Variants in CDH12 observed in about 807,000 individuals in gnomAD.
CDH12 encodes cadherin 12, also known as cadherin-12.
A neutral mutation model predicts 74.1 loss-of-function variants in CDH12; 41 were observed. The ratio of observed to expected loss-of-function variants is 0.55; its 90% confidence interval spans 0.43 to 0.72. The LOEUF is 0.72. Ranked by LOEUF, CDH12 falls within the 30% of genes least tolerant of loss-of-function variation. The pLI is 0.00. For missense variants in CDH12, 945 were observed against 977.2 expected, an observed-to-expected ratio of 0.97 and a Z score of 0.44; for synonymous variants, 399 against 355.0, an observed-to-expected ratio of 1.12 and a Z score of -1.39.
intron 1 of CDH12, among the ~76,000 whole-genome samples, chr5:22,507,393 T>C (rs1736432919): frequency 6.6e-6 from 1 of 152,072 alleles, no homozygotes; most frequent in Non-Finnish European, 1.5e-5. Context: ...AATGTACATG[T>C]TAATCATTAC....
At chr5:22,386,663 T>G (rs937728874) in intron 3 of CDH12, among the ~76,000 whole-genome samples, 1 of 152,062 alleles carries the variant, frequency 6.6e-6, no homozygotes, top group Non-Finnish European at 1.5e-5. Flanking sequence ...TATTTAAATG[T>G]GATAATTCAT....
At chr5:22,610,839 G>T (rs1040254100) in intron 1 of CDH12, among the ~76,000 whole-genome samples, 1 of 151,628 alleles carries the variant, frequency 6.6e-6, no homozygotes, top group African/African-American at 2.4e-5. Flanking sequence ...ATATATGTTG[G>T]TTATGGTGGA....
chr5:22,116,143 C>T (rs770600571), intron 4 of CDH12, among the ~76,000 whole-genome samples: 2 of 152,174 alleles, frequency 1.3e-5, no homozygotes, highest in African/African-American at 2.4e-5. Context: ...AACCTAATCA[C>T]ATGAGCCCTT....
At chr5:21,934,882 G>T (rs1044397059) in intron 6 of CDH12, among the ~76,000 whole-genome samples, 2 of 152,126 alleles carry the variant, frequency 1.3e-5, no homozygotes, top group Admixed American at 1.3e-4. Flanking sequence ...CGCCTCCCTA[G>T]TTCATGCCAT....
chr5:22,561,020 T>C (rs1448425690), intron 1 of CDH12, among the ~76,000 whole-genome samples: 2 of 152,152 alleles, frequency 1.3e-5, no homozygotes, highest in Non-Finnish European at 2.9e-5. Flanking sequence ...CACAAATCCC[T>C]CTTTTACATT....
intron 1 of CDH12, among the ~76,000 whole-genome samples, chr5:22,551,906 C>T (rs182070416): frequency 9.9e-5 from 15 of 152,076 alleles, no homozygotes; most frequent in Non-Finnish European, 1.6e-4. Context: ...ATTTTATTTC[C>T]TTTTATCTTA....
At chr5:22,013,128 A>G (rs2150154299) in intron 5 of CDH12, among the ~76,000 whole-genome samples, 1 of 152,306 alleles carries the variant, frequency 6.6e-6, no homozygotes, top group Non-Finnish European at 1.5e-5. Flanking sequence ...TAATTCATAA[A>G]GGAAAGAGGT....
chr5:22,758,116 G>A (rs115867193), intron 1 of CDH12, among the ~76,000 whole-genome samples: 1,572 of 152,222 alleles, frequency 0.01, 28 homozygotes, highest in African/African-American at 0.035. Context: ...TAGTGCAGGC[G>A]GCCGATACCC....
At chr5:22,635,852 T>C (rs1197650964) in intron 1 of CDH12, among the ~76,000 whole-genome samples, 1 of 151,938 alleles carries the variant, frequency 6.6e-6, no homozygotes, top group Non-Finnish European at 1.5e-5. Context: ...AGGCTGAAGT[T>C]GCAGTCAGAG....
intron 8 of CDH12, among the ~76,000 whole-genome samples, chr5:21,835,754 T>C (rs1435908725): frequency 2.0e-5 from 3 of 151,722 alleles, no homozygotes; most frequent in Non-Finnish European, 4.4e-5. Context: ...AGACCTATGG[T>C]AGATTTCAAG....
chr5:21,954,610 G>T (rs1353493117), intron 6 of CDH12, among the ~76,000 whole-genome samples: 1 of 152,094 alleles, frequency 6.6e-6, no homozygotes, highest in Non-Finnish European at 1.5e-5. Context: ...CTAAAACTCT[G>T]TGTGTTGCTT....
chr5:22,797,077 C>G (rs548849859), intron 1 of CDH12, among the ~76,000 whole-genome samples: 3 of 149,948 alleles, frequency 2.0e-5, no homozygotes, highest in South Asian at 4.3e-4. Context: ...GTGTCACGCT[C>G]AAATTCCTAT....
At chr5:22,245,577 A>T (rs1438636650) in intron 3 of CDH12, among the ~76,000 whole-genome samples, 8 of 152,108 alleles carry the variant, frequency 5.3e-5, no homozygotes, top group African/African-American at 1.9e-4. Context: ...GTTTAAAAAA[A>T]TTAATACCTT....
intron 3 of CDH12, among the ~76,000 whole-genome samples, chr5:22,315,997 C>A (rs724720): frequency 6.6e-6 from 1 of 151,196 alleles, no homozygotes; most frequent in Non-Finnish European, 1.5e-5. Context: ...GGGAACGTTT[C>A]TTAGCCTCTC....
chr5:22,674,694 G>A (rs7442725), intron 1 of CDH12, among the ~76,000 whole-genome samples: 17,711 of 152,116 alleles, frequency 0.12, 1,346 homozygotes, highest in Admixed American at 0.2. Flanking sequence ...TTCTGATAAC[G>A]ATATGGACAA....
chr5:22,213,662 T>A (rs866038707), intron 3 of CDH12: 30 of 152,200 alleles, frequency 2.0e-4, no homozygotes, highest in African/African-American at 5.5e-4. Context: ...CTGGAAAAGG[T>A]CACATAACTG....
At chr5:22,088,664 T>C (rs964959202) in intron 4 of CDH12, among the ~76,000 whole-genome samples, 2 of 152,050 alleles carry the variant, frequency 1.3e-5, no homozygotes, top group Non-Finnish European at 2.9e-5. Context: ...CATACTTTAT[T>C]TGGACAGAGT....
Position 21,985,559 on chromosome 5 carries a change from T to C in CDH12, c.232-10174A>G, listed in dbSNP as rs554359890. Among the ~76,000 whole-genome samples the C allele has an allele frequency of 9.9e-5, 15 of 152,284 alleles. 1 individual carries two copies. The South Asian group carries it at 2.9e-3, about 29-fold the overall frequency. On this transcript the variant is annotated intron_variant, in intron 5 of 14. Transcript: ENST00000382254. ...AGTTAGTGATTGAGATTTAAAGTAA[T>C]ATTGTCACTGATTTGTTTACTTACA...
At chr5:21,808,320 G>T (rs1467233779) in intron 9 of CDH12, among the ~76,000 whole-genome samples, 1 of 151,944 alleles carries the variant, frequency 6.6e-6, no homozygotes, top group East Asian at 1.9e-4. Context: ...CCGTGGTTTT[G>T]TCCCTTTTTA....
Sources: allele counts gnomAD v4.1 joint callset (sites outside exome capture counted in the v4.1 genomes callset), GRCh38; gene constraint gnomAD v4.1.1; transcripts MANE v1.5; gene names NCBI Gene and HGNC (gene_info 2026-07-23, HGNC 2026-07-21).